The following ZCCHC10 variants were observed in gnomAD, a reference collection of about 807,000 sequenced individuals.
The protein encoded by ZCCHC10 is zinc finger CCHC domain-containing protein 10.
ZCCHC10 carries 16 observed loss-of-function variants against 19.5 expected under a neutral mutation model. The ratio of observed to expected loss-of-function variants is 0.82; its 90% CI spans 0.56 to 1.25. ZCCHC10 has a LOEUF of 1.25. ZCCHC10 is among the 50% of genes most tolerant of loss of function. The pLI, the probability that ZCCHC10 is intolerant of heterozygous loss-of-function variation, is 0.00. For synonymous variants in ZCCHC10, 67 were observed against 72.5 expected (o/e 0.92, Z 0.38); for missense variants, 197 against 201.0 (o/e 0.98, Z 0.12).
chr5:133,010,854 C>A (rs1038248619), intron 2 of ZCCHC10, among the ~76,000 whole-genome samples: 1 of 151,778 alleles, frequency 6.6e-6, no homozygotes, highest in Non-Finnish European at 1.5e-5. Context: ...TGCAATGGCG[C>A]AATCTCAGGT....
At position 132,997,604 on chromosome 5, in the gene ZCCHC10, C is replaced by T. The variant is rs1444459166; in HGVS notation, c.*979G>A. ...CATTCATATATATGCAGTAGACTGT[C>T]ATATATGACCAGTTACCATACAAAC... On this transcript the variant is annotated 3_prime_UTR_variant, in exon 5 of 5. Transcript: ENST00000509437. The T allele has an allele frequency of 6.6e-6, 1 of 152,080 alleles. No individual in the cohort carries two copies. Among genetic ancestry groups the T allele is most frequent in the Non-Finnish European group, 1.5e-5 (1 of 68,002 alleles). 9.4% of individuals were successfully genotyped at this position (152,080 alleles called of 1,614,324 possible). A position where few individuals can be genotyped will look rare whatever the true frequency, so the allele number is the denominator to read the frequency against.
At chr5:133,023,206 C>T (rs1048328132) in intron 1 of ZCCHC10, among the ~76,000 whole-genome samples, 1 of 152,096 alleles carries the variant, frequency 6.6e-6, no homozygotes, top group Non-Finnish European at 1.5e-5. Context: ...TTGATGACGA[C>T]TCTGGATGTT....
At chr5:133,014,935 G>A (rs1763819553) in intron 2 of ZCCHC10, among the ~76,000 whole-genome samples, 1 of 152,192 alleles carries the variant, frequency 6.6e-6, no homozygotes, top group African/African-American at 2.4e-5. Context: ...AGTATCTTTG[G>A]CAGGAATAAA....
At chr5:133,021,112 A>G (rs185934286) in intron 2 of ZCCHC10, among the ~76,000 whole-genome samples, 1 of 152,188 alleles carries the variant, frequency 6.6e-6, no homozygotes, top group Non-Finnish European at 1.5e-5. Context: ...TAGCCAGGAT[A>G]GTCTTGATCT....
intron 2 of ZCCHC10, among the ~76,000 whole-genome samples, chr5:133,010,155 T>G (rs1763403649): frequency 6.6e-6 from 1 of 151,074 alleles, no homozygotes; most frequent in Non-Finnish European, 1.5e-5. Flanking sequence ...TTCAAGCAAT[T>G]TTCCTGCCTC....
chr5:133,007,741 T>C (rs1369347737), intron 2 of ZCCHC10, among the ~76,000 whole-genome samples: 1 of 152,152 alleles, frequency 6.6e-6, no homozygotes, highest in African/African-American at 2.4e-5. Context: ...TATGTCTTTA[T>C]CAGCAGTGTG....
intron 1 of ZCCHC10, among the ~76,000 whole-genome samples, chr5:133,023,461 C>CT (rs34960372): frequency 0.063 from 8,551 of 135,502 alleles, 286 homozygotes; most frequent in African/African-American, 0.085. Context: ...GTCCAAAGAC[C>CT]TTTTTTTTTT....
chr5:133,017,754 T>C (rs1764017920), intron 2 of ZCCHC10, among the ~76,000 whole-genome samples: 3 of 152,162 alleles, frequency 2.0e-5, no homozygotes, highest in African/African-American at 7.2e-5. Context: ...GAATACTTCA[T>C]GGTAATAACA....
intron 2 of ZCCHC10, among the ~76,000 whole-genome samples, chr5:133,012,154 AAGAAAG>A (rs780560684): frequency 1.2e-4 from 9 of 76,216 alleles, no homozygotes; most frequent in Admixed American, 1.8e-4. Flanking sequence ...AAAAAAAAAA[AAGAAAG>A]AAAGAAAGAA....
At chr5:133,024,308 A>G (rs1764525457) in intron 1 of ZCCHC10, among the ~76,000 whole-genome samples, 1 of 152,118 alleles carries the variant, frequency 6.6e-6, no homozygotes, top group Non-Finnish European at 1.5e-5. Context: ...CATCCATTCA[A>G]TTGTACTGAA....
rs148198017 is a variant in ZCCHC10 at position 133,001,398 on chromosome 5, AAACAAC to A, written c.270-1231_270-1226del. ...AGAGCAAGACTCTGTCTCAAAATAA[AAACAAC>A]AACAACAACAACAACAAGAAAAAAA... On this transcript the variant is annotated intron_variant, in intron 3 of 4. Transcript: ENST00000509437. Among the ~76,000 whole-genome samples the A allele has an allele frequency of 1.4e-3, 207 of 151,332 alleles. 1 individual carries two copies. Among genetic ancestry groups the A allele is most frequent in the African/African-American group, 4.7e-3 (195 of 41,120 alleles).
At chr5:133,000,097 T>A (rs1409177528) in intron 4 of ZCCHC10, 35 bp downstream of exon 4, 1 of 1,603,008 alleles carries the variant, frequency 6.2e-7, no homozygotes, top group East Asian at 2.2e-5. Flanking sequence ...TAGTATTACA[T>A]GTTATCTATA....
chr5:133,012,981 GC>G (rs1478664513), intron 2 of ZCCHC10, among the ~76,000 whole-genome samples: 3 of 151,520 alleles, frequency 2.0e-5, no homozygotes, highest in African/African-American at 7.3e-5. Context: ...AACCTGGGAG[GC>G]GGAGCTTGCA....
At chr5:133,007,544 CAAA>C (rs58700549) in intron 2 of ZCCHC10, among the ~76,000 whole-genome samples, 1 of 119,256 alleles carries the variant, frequency 8.4e-6, no homozygotes, top group African/African-American at 2.8e-5. Context: ...CTCCGTCTCA[CAAA>C]AAAAAAAAAA....
At chr5:133,005,474 C>T (rs1360640670) in intron 3 of ZCCHC10, among the ~76,000 whole-genome samples, 2 of 151,908 alleles carry the variant, frequency 1.3e-5, no homozygotes, top group Non-Finnish European at 2.9e-5. Context: ...ATTAGCCAGG[C>T]GTGGTGGTGT....
intron 3 of ZCCHC10, among the ~76,000 whole-genome samples, chr5:133,005,504 C>T (rs957739977): frequency 6.6e-6 from 1 of 152,004 alleles, no homozygotes; most frequent in Non-Finnish European, 1.5e-5. Flanking sequence ...GTCTCAGCTA[C>T]TGGGGAGGCT....
chr5:133,016,941 C>G (rs553219900), intron 2 of ZCCHC10, among the ~76,000 whole-genome samples: 1 of 152,076 alleles, frequency 6.6e-6, no homozygotes, highest in East Asian at 1.9e-4. Flanking sequence ...GGCAGGCCCC[C>G]CCCAGACACA....
chr5:133,012,285 C>G (rs1361180949), intron 2 of ZCCHC10, among the ~76,000 whole-genome samples: 3 of 150,308 alleles, frequency 2.0e-5, no homozygotes, highest in East Asian at 2.0e-4. Context: ...CTGGCCAACA[C>G]AGTGAAACCC....
chr5:133,010,852 C>T (rs939705848), intron 2 of ZCCHC10, among the ~76,000 whole-genome samples: 6 of 151,770 alleles, frequency 4.0e-5, no homozygotes, highest in African/African-American at 7.3e-5. Context: ...AGTGCAATGG[C>T]GCAATCTCAG....
Sources: allele counts gnomAD v4.1 joint callset (sites outside exome capture counted in the v4.1 genomes callset), GRCh38; gene constraint gnomAD v4.1.1; transcripts MANE v1.5; gene names NCBI Gene and HGNC (gene_info 2026-07-23, HGNC 2026-07-21).